The following NBEA variants were observed in gnomAD, a reference collection of about 807,000 sequenced individuals.
NBEA encodes neurobeachin, also known as lysosomal-trafficking regulator 2.
NBEA carries 44 observed loss-of-function variants against 343.4 expected under a neutral mutation model. The observed-to-expected ratio is 0.13, with a 90% CI of 0.10 to 0.16. The LOEUF is 0.16. Among genes scored for constraint, NBEA ranks in the 10% least tolerant of loss-of-function variants. The pLI, the probability that NBEA is intolerant of heterozygous loss-of-function variation, is 1.00. For missense variants in NBEA, 2,555 were observed against 3,631.3 expected (o/e 0.70, Z 7.62); for synonymous variants, 1,175 against 1,238.7 (o/e 0.95, Z 1.08).
At chr13:34,984,524 C>T (rs965617468) in intron 1 of NBEA, among the ~76,000 whole-genome samples, 4 of 138,728 alleles carry the variant, frequency 2.9e-5, no homozygotes, top group Admixed American at 7.0e-5. Context: ...ATTGGCAATG[C>T]GGGCTCTTTT....
chr13:35,614,776 G>A lies in NBEA; in HGVS notation c.7449+8198G>A, dbSNP rs564740614. ...TAAGGCATTCTTCTCCCCTAGTATA[G>A]CTGCTTGCATTTGTTTCTCCTCTTT... On this transcript the variant is annotated intron_variant, in intron 48 of 58. Coordinates refer to ENST00000379939, the MANE Select transcript of NBEA (RefSeq NM_001385012.1). Among the ~76,000 whole-genome samples, 56 of 152,258 alleles carry A rather than the reference G, an allele frequency of 3.7e-4. 1 individual carries two copies. The highest frequency in any genetic ancestry group is 2.4e-3 in the Admixed American group (36 of 15,298).
At chr13:35,545,039 A>C (rs1032320288) in intron 41 of NBEA, among the ~76,000 whole-genome samples, 3 of 152,222 alleles carry the variant, frequency 2.0e-5, no homozygotes, top group African/African-American at 7.2e-5. Flanking sequence ...TGACAGAAAA[A>C]TATCTTGGAC....
rs578057270 is a variant in NBEA, at chr13:35,274,717, T to C, written c.5777-15672T>C. Among the ~76,000 whole-genome samples, 12 of 149,454 alleles carry C rather than the reference T, an allele frequency of 8.0e-5. No individual in the cohort carries two copies. The South Asian group carries it at 2.5e-3, about 31-fold the overall frequency. On this transcript the variant is annotated intron_variant, in intron 34 of 58. Transcript: ENST00000379939. ...AATCACAAGCATTCCTATACACCAG[T>C]AATAGAGAGCCAAATTATGAGTGAA...
At chr13:35,335,774 A>T (rs2039216691) in intron 36 of NBEA, among the ~76,000 whole-genome samples, 1 of 152,034 alleles carries the variant, frequency 6.6e-6, no homozygotes, top group Admixed American at 6.6e-5. Context: ...ATAGTGCGTT[A>T]ACCAAAAGTT....
intron 45 of NBEA, among the ~76,000 whole-genome samples, chr13:35,582,169 G>A (rs13329012): frequency 5.3e-5 from 8 of 151,714 alleles, no homozygotes; most frequent in African/African-American, 1.5e-4. Context: ...GCCTGTAGTC[G>A]CAGCTACTCG....
chr13:35,641,345 T>C (rs2153073465), intron 49 of NBEA, among the ~76,000 whole-genome samples: 1 of 152,300 alleles, frequency 6.6e-6, no homozygotes, highest in African/African-American at 2.4e-5. Context: ...CTCCAAAAAC[T>C]GGCTGCTAAC....
At chr13:35,118,810 C>T (rs1056859839) in intron 16 of NBEA, among the ~76,000 whole-genome samples, 3 of 149,864 alleles carry the variant, frequency 2.0e-5, no homozygotes, top group East Asian at 1.9e-4. Flanking sequence ...ATATGAGGCC[C>T]GAGAGAGATT....
chr13:35,581,076 A>G (rs1158361485), intron 45 of NBEA, among the ~76,000 whole-genome samples: 1 of 152,220 alleles, frequency 6.6e-6, no homozygotes, highest in Non-Finnish European at 1.5e-5. Flanking sequence ...TGAGAGGTCT[A>G]TTAGCATATT....
At chr13:34,961,793 TG>T (rs767557973) in intron 1 of NBEA, among the ~76,000 whole-genome samples, 4 of 151,816 alleles carry the variant, frequency 2.6e-5, no homozygotes, top group Non-Finnish European at 4.4e-5. Context: ...TTTATAAAGG[TG>T]ATGAAGCTTG....
At chr13:35,037,941 C>T (rs745631801) in intron 1 of NBEA, among the ~76,000 whole-genome samples, 1 of 152,166 alleles carries the variant, frequency 6.6e-6, no homozygotes, top group Non-Finnish European at 1.5e-5. Context: ...GTGGCAAAGT[C>T]CCCCTGGCCA....
chr13:35,632,879 C>G (rs899243211), intron 49 of NBEA, among the ~76,000 whole-genome samples: 5 of 151,984 alleles, frequency 3.3e-5, no homozygotes, highest in Admixed American at 6.6e-5. Flanking sequence ...CAGGCATGAG[C>G]CACTGTGCAC....
chr13:35,578,160 C>T (rs1001225880), intron 45 of NBEA, among the ~76,000 whole-genome samples: 1 of 152,066 alleles, frequency 6.6e-6, no homozygotes, highest in African/African-American at 2.4e-5. Flanking sequence ...GTCAAATATA[C>T]CCAGCTTCAA....
At chr13:35,206,175 T>G (rs911982731) in intron 31 of NBEA, among the ~76,000 whole-genome samples, 1 of 152,140 alleles carries the variant, frequency 6.6e-6, no homozygotes, top group Non-Finnish European at 1.5e-5. Flanking sequence ...TTTCTCTCGG[T>G]CTCATAACTT....
chr13:35,453,432 G>A (rs775444297), intron 40 of NBEA, among the ~76,000 whole-genome samples: 2 of 152,096 alleles, frequency 1.3e-5, no homozygotes, highest in African/African-American at 2.4e-5. Flanking sequence ...TTTTGCTTTC[G>A]TTGTTTTTGT....
intron 47 of NBEA, among the ~76,000 whole-genome samples, chr13:35,600,701 A>G (rs537152114): frequency 1.5e-3 from 234 of 152,266 alleles, no homozygotes; most frequent in African/African-American, 5.2e-3. Flanking sequence ...CTTTTTGTCA[A>G]AAGGTTAAGA....
intron 35 of NBEA, among the ~76,000 whole-genome samples, chr13:35,307,705 C>T (rs2036990348): frequency 6.6e-6 from 1 of 151,922 alleles, no homozygotes; most frequent in African/African-American, 2.4e-5. Context: ...CATGGGTCTT[C>T]GTATGTAAAA....
rs778338526 is a variant in NBEA at position 35,161,775 on chromosome 13, A to G, written c.3887A>G (p.Gln1296Arg). 5 of 1,611,702 alleles carry G rather than the reference A, an allele frequency of 3.1e-6. No individual in the cohort carries two copies. Among genetic ancestry groups the G allele is most frequent in the Non-Finnish European group, 4.2e-6 (5 of 1,178,988 alleles). The change falls in exon 23 of 59, where the codon CAA (glutamine) becomes CGA (arginine). Residue 1296 changes from glutamine (Q) to arginine (R), a missense_variant. This residue lies in a region of NBEA where 367 missense variants were observed against 377.5 expected (regional missense o/e 0.97). Transcript: ENST00000379939. ...TQAVQGRSIT[Q>R]QDRDLRVDLG... Reference sequence around the variant, plus strand: ...GCTGTGCAGGGTCGGTCTATCACCCAACAAGACCGAGATCTCCGAGTTGAT... The same window carrying G: ...GCTGTGCAGGGTCGGTCTATCACCCGACAAGACCGAGATCTCCGAGTTGAT...
chr13:35,404,775 G>T, intron 38 of NBEA, among the ~76,000 whole-genome samples: 1 of 151,440 alleles, frequency 6.6e-6, no homozygotes, highest in Non-Finnish European at 1.5e-5. Flanking sequence ...TTAAAAAAAA[G>T]AACAATACAA....
rs115153891 is a variant in NBEA at position 35,515,749 on chromosome 13, G to T, written c.6586-34728G>T. ...ACATTTCCCTTTCATGTAGTAACTGGTTTTTTTTTTTTAAATTTAAATATA... is the reference window on the plus strand; with the variant it reads ...ACATTTCCCTTTCATGTAGTAACTGTTTTTTTTTTTTTAAATTTAAATATA... On this transcript the variant is annotated intron_variant, in intron 41 of 58. Coordinates refer to ENST00000379939, the MANE Select transcript of NBEA (RefSeq NM_001385012.1). Among the ~76,000 whole-genome samples the T allele has an allele frequency of 9.1e-3, 1,352 of 149,316 alleles. 27 individuals are homozygous for T. The highest frequency in any genetic ancestry group is 0.032 in the African/African-American group (1,293 of 40,850).
Sources: allele counts gnomAD v4.1 joint callset (sites outside exome capture counted in the v4.1 genomes callset), GRCh38; gene constraint gnomAD v4.1.1; regional missense constraint gnomAD v4.1.1; transcripts MANE v1.5; gene names NCBI Gene and HGNC (gene_info 2026-07-23, HGNC 2026-07-21).